Variants in B3GALT1 observed in about 807,000 individuals in gnomAD.
The protein encoded by B3GALT1 is beta-1,3-galactosyltransferase 1.
Under a neutral mutation model 23.2 loss-of-function variants are expected in B3GALT1, and 10 were observed. The ratio of observed to expected loss-of-function variants is 0.43; its 90% CI spans 0.27 to 0.73. The LOEUF is 0.73. B3GALT1 is among the 30% of genes least tolerant of loss of function. The pLI, the probability that B3GALT1 is intolerant of heterozygous loss-of-function variation, is 0.21. For missense variants in B3GALT1, 299 were observed against 405.4 expected, an observed-to-expected ratio of 0.74 and a Z score of 2.25; for synonymous variants, 156 against 141.5, an observed-to-expected ratio of 1.10 and a Z score of -0.73.
chr2:167,531,731 C>A (rs1401111217), intron 2 of B3GALT1, among the ~76,000 whole-genome samples: 1 of 152,094 alleles, frequency 6.6e-6, no homozygotes, highest in Non-Finnish European at 1.5e-5. Flanking sequence ...GTTAACTATA[C>A]TCTATAATTA....
chr2:167,556,865 G>A (rs909325938), intron 2 of B3GALT1, among the ~76,000 whole-genome samples: 8 of 152,128 alleles, frequency 5.3e-5, no homozygotes, highest in South Asian at 2.1e-4. Flanking sequence ...TCCTGCAATG[G>A]AATATTTATT....
intron 4 of B3GALT1, among the ~76,000 whole-genome samples, 161 bp downstream of exon 4, chr2:167,818,954 A>G (rs934713180): frequency 6.6e-6 from 1 of 152,124 alleles, no homozygotes; most frequent in African/African-American, 2.4e-5. Flanking sequence ...TTTACCTGCT[A>G]TAGTATGCAA....
At chr2:167,338,693 A>G (rs1280725168) in intron 1 of B3GALT1, among the ~76,000 whole-genome samples, 2 of 152,114 alleles carry the variant, frequency 1.3e-5, no homozygotes, top group Non-Finnish European at 2.9e-5. Context: ...AGAGAAGGGA[A>G]TTCTTTCTTA....
intron 2 of B3GALT1, among the ~76,000 whole-genome samples, chr2:167,568,808 A>G (rs1299912056): frequency 3.3e-5 from 5 of 151,798 alleles, no homozygotes; most frequent in Admixed American, 2.6e-4. Flanking sequence ...GCCATACCCA[A>G]GATCATCAAG....
intron 1 of B3GALT1, among the ~76,000 whole-genome samples, chr2:167,389,404 A>T (rs923092513): frequency 1.3e-5 from 2 of 152,178 alleles, no homozygotes; most frequent in Non-Finnish European, 2.9e-5. Context: ...CCATTTTGTC[A>T]TTTCAATGTG....
chr2:167,773,376 G>T (rs1688104650), intron 3 of B3GALT1, among the ~76,000 whole-genome samples: 1 of 151,972 alleles, frequency 6.6e-6, no homozygotes, highest in Non-Finnish European at 1.5e-5. Flanking sequence ...TACATTTATA[G>T]TTCATGGATA....
chr2:167,567,783 T>C (rs1684201227), intron 2 of B3GALT1, among the ~76,000 whole-genome samples: 1 of 152,114 alleles, frequency 6.6e-6, no homozygotes, highest in Non-Finnish European at 1.5e-5. Flanking sequence ...ACTCTTGGTG[T>C]TGTACATCCC....
chr2:167,394,137 A>T (rs1295144583), intron 1 of B3GALT1, among the ~76,000 whole-genome samples: 1 of 152,194 alleles, frequency 6.6e-6, no homozygotes, highest in African/African-American at 2.4e-5. Context: ...TATACCTTTT[A>T]ACAATGAAAT....
intron 2 of B3GALT1, among the ~76,000 whole-genome samples, chr2:167,602,867 T>C (rs1163719851): frequency 1.3e-5 from 2 of 152,136 alleles, no homozygotes; most frequent in Non-Finnish European, 2.9e-5. Context: ...TGGTCCCAAA[T>C]GACAGTTTCT....
chr2:167,462,114 A>G (rs10169923), intron 1 of B3GALT1, among the ~76,000 whole-genome samples: 17,955 of 152,252 alleles, frequency 0.12, 1,265 homozygotes, highest in African/African-American at 0.21. Context: ...TAAAAATACT[A>G]TAGACATAAA....
intron 1 of B3GALT1, among the ~76,000 whole-genome samples, chr2:167,416,949 G>T (rs1698480801): frequency 6.6e-6 from 1 of 152,118 alleles, no homozygotes; most frequent in Non-Finnish European, 1.5e-5. Context: ...ATTGTATCTT[G>T]AAAGTAGATA....
intron 3 of B3GALT1, among the ~76,000 whole-genome samples, chr2:167,737,424 T>C (rs1447637035): frequency 6.6e-6 from 1 of 152,268 alleles, no homozygotes; most frequent in Non-Finnish European, 1.5e-5. Context: ...AAGCTGTGAT[T>C]TAACACATCA....
At chr2:167,297,348 C>G (rs1696367096) in intron 1 of B3GALT1, among the ~76,000 whole-genome samples, 1 of 151,542 alleles carries the variant, frequency 6.6e-6, no homozygotes, top group Admixed American at 6.6e-5. Context: ...TCTTCTTTCT[C>G]TTCCACATTG....
At chr2:167,440,804 CA>C (rs1400261139) in intron 1 of B3GALT1, among the ~76,000 whole-genome samples, 1 of 151,902 alleles carries the variant, frequency 6.6e-6, no homozygotes, top group African/African-American at 2.4e-5. Flanking sequence ...TTTTCCTTTA[CA>C]TTGTGTTCTA....
intron 3 of B3GALT1, among the ~76,000 whole-genome samples, chr2:167,666,846 C>T (rs1686203594): frequency 6.6e-6 from 1 of 152,132 alleles, no homozygotes; most frequent in Non-Finnish European, 1.5e-5. Flanking sequence ...ATGTGTGTCT[C>T]TGCCTGTGAG....
At chr2:167,369,061 T>TG (rs1697636682) in intron 1 of B3GALT1, among the ~76,000 whole-genome samples, 3 of 147,468 alleles carry the variant, frequency 2.0e-5, no homozygotes, top group African/African-American at 7.7e-5. Context: ...AAACTCTTAT[T>TG]TGTGTGTGTG....
At position 167,738,062 on chromosome 2, in the gene B3GALT1, G is replaced by T. The variant is rs945166091; in HGVS notation, c.-351-80610G>T. Among the ~76,000 whole-genome samples the T allele has an allele frequency of 2.6e-5, 4 of 152,072 alleles. No individual in the cohort carries two copies. The South Asian group carries it at 8.3e-4, about 32-fold the overall frequency. Reference sequence around the variant, plus strand: ...TTTATGTTTCTTTTGCTCTTCCAGAGAAGCCTCTCATTGAAAGGGAAGATT... The same window carrying T: ...TTTATGTTTCTTTTGCTCTTCCAGATAAGCCTCTCATTGAAAGGGAAGATT... On this transcript the variant is annotated intron_variant, in intron 3 of 4. Coordinates refer to ENST00000392690, the MANE Select transcript of B3GALT1 (RefSeq NM_020981.4).
chr2:167,559,965 A>G (rs530335652), intron 2 of B3GALT1, among the ~76,000 whole-genome samples: 75 of 152,254 alleles, frequency 4.9e-4, no homozygotes, highest in African/African-American at 1.8e-3. Flanking sequence ...TGCCACAAAG[A>G]TACTCCTCGA....
intron 1 of B3GALT1, among the ~76,000 whole-genome samples, chr2:167,451,477 C>T (rs1374225018): frequency 6.6e-6 from 1 of 152,142 alleles, no homozygotes; most frequent in African/African-American, 2.4e-5. Context: ...CTGGATCTCG[C>T]CATTCAGCAA....
Sources: gnomAD v4.1 joint callset for allele counts (sites outside exome capture counted in the v4.1 genomes callset) on GRCh38, gnomAD v4.1.1 for gene constraint, MANE v1.5 for transcripts, NCBI Gene and HGNC (gene_info 2026-07-23, HGNC 2026-07-21) for gene names.